Variants in EEF1AKMT1 observed in about 807,000 individuals in gnomAD.
The protein encoded by EEF1AKMT1 is N-6 adenine-specific DNA methyltransferase 2 (putative).
EEF1AKMT1 carries 18 observed loss-of-function variants against 21.0 expected under a neutral mutation model. That is an observed-to-expected ratio of 0.86 (90% confidence interval 0.59 to 1.27). The LOEUF (loss-of-function observed/expected upper bound fraction) is 1.27. Ranked by LOEUF, EEF1AKMT1 falls within the 50% of genes most tolerant of loss-of-function variation. EEF1AKMT1 has a pLI of 0.00. For synonymous variants in EEF1AKMT1, 109 were observed against 94.8 expected, an observed-to-expected ratio of 1.15 and a Z score of -0.87; for missense variants, 246 against 258.6, an observed-to-expected ratio of 0.95 and a Z score of 0.33.
chr13:20,764,354 A>G (rs1377567265), intron 1 of EEF1AKMT1, among the ~76,000 whole-genome samples: 1 of 152,210 alleles, frequency 6.6e-6, no homozygotes, highest in Non-Finnish European at 1.5e-5. Context: ...AGATTTTCCT[A>G]TTAGGTTTTC....
At chr13:20,756,939 T>C (rs554627901) in intron 2 of EEF1AKMT1, among the ~76,000 whole-genome samples, 1 of 152,248 alleles carries the variant, frequency 6.6e-6, no homozygotes, top group Non-Finnish European at 1.5e-5. Flanking sequence ...TAAACCTGCA[T>C]CCCGTCTCTG....
At chr13:20,763,043 T>A (rs930394962) in intron 1 of EEF1AKMT1, among the ~76,000 whole-genome samples, 3 of 152,228 alleles carry the variant, frequency 2.0e-5, no homozygotes, top group Non-Finnish European at 4.4e-5. Flanking sequence ...CTAAATCATA[T>A]TTACTAATAT....
intron 1 of EEF1AKMT1, among the ~76,000 whole-genome samples, chr13:20,765,628 G>C (rs2059026808): frequency 1.3e-5 from 2 of 151,784 alleles, no homozygotes; most frequent in South Asian, 4.1e-4. Flanking sequence ...GGCCAGGCTG[G>C]TCTCGAACTC....
At chr13:20,768,319 G>T (rs2059046840) in intron 1 of EEF1AKMT1, among the ~76,000 whole-genome samples, 1 of 152,186 alleles carries the variant, frequency 6.6e-6, no homozygotes, top group African/African-American at 2.4e-5. Flanking sequence ...TAAGAGCAGA[G>T]CAGCACTTAG....
chr13:20,743,795 A>C (rs2058886846), intron 2 of EEF1AKMT1, among the ~76,000 whole-genome samples: 1 of 151,662 alleles, frequency 6.6e-6, no homozygotes, highest in Admixed American at 6.6e-5. Context: ...GTAGGTTTTA[A>C]GCCCCACATG....
intron 1 of EEF1AKMT1, among the ~76,000 whole-genome samples, chr13:20,766,743 A>T (rs1363893078): frequency 6.6e-6 from 1 of 151,874 alleles, no homozygotes; most frequent in East Asian, 1.9e-4. Context: ...AATTGCTTGA[A>T]CCTATGAGGC....
intron 1 of EEF1AKMT1, among the ~76,000 whole-genome samples, chr13:20,765,105 C>CA (rs963438613): frequency 6.6e-6 from 1 of 151,670 alleles, no homozygotes. Context: ...ACTAAAAATA[C>CA]AAAAAACTAG....
chr13:20,754,258 G>A (rs1324461305), intron 2 of EEF1AKMT1, among the ~76,000 whole-genome samples: 1 of 115,224 alleles, frequency 8.7e-6, no homozygotes, highest in Non-Finnish European at 1.8e-5. Context: ...ATCTTTTGTT[G>A]GCAGTTTTTT....
chr13:20,732,865 C>T (rs1242133081), intron 3 of EEF1AKMT1, among the ~76,000 whole-genome samples: 1 of 151,030 alleles, frequency 6.6e-6, no homozygotes, highest in Non-Finnish European at 1.5e-5. Context: ...AATAACTCCC[C>T]AACTCACTCC....
chr13:20,729,234 A>G lies in EEF1AKMT1; in HGVS notation c.509-18T>C. The G allele has an allele frequency of 1.9e-6, 3 of 1,614,016 alleles. No homozygotes were observed. The highest frequency in any genetic ancestry group is 2.5e-6 in the Non-Finnish European group (3 of 1,179,992). On this transcript the variant is annotated intron_variant, in intron 4 of 4. Transcript: ENST00000382758. Reference sequence around the variant, plus strand: ...GATGGCACCTGAAGAGAACAAAGCAAATGAATCCAGAGAGTGACAACCCAG... The same window carrying G: ...GATGGCACCTGAAGAGAACAAAGCAGATGAATCCAGAGAGTGACAACCCAG...
At chr13:20,769,472 C>T (rs1233066790) in intron 1 of EEF1AKMT1, 1 of 152,156 alleles carries the variant, frequency 6.6e-6, no homozygotes, top group Non-Finnish European at 1.5e-5. Context: ...TCTTTTATCC[C>T]TTCGGGAAGC....
chr13:20,734,412 G>C (rs1267385836), intron 3 of EEF1AKMT1, among the ~76,000 whole-genome samples: 3 of 152,118 alleles, frequency 2.0e-5, no homozygotes, highest in Non-Finnish European at 4.4e-5. Flanking sequence ...TTCTGCAAGT[G>C]GCTGAACTTC....
At chr13:20,734,469 T>C (rs2058815017) in intron 3 of EEF1AKMT1, among the ~76,000 whole-genome samples, 1 of 152,174 alleles carries the variant, frequency 6.6e-6, no homozygotes, top group African/African-American at 2.4e-5. Context: ...GAGGAACTAT[T>C]GCACAGAGAT....
Position 20,757,548 on chromosome 13 carries a change from T to C in EEF1AKMT1, c.51A>G (p.Leu17=). 4.3e-6 allele frequency: 7 copies of C among 1,614,186 alleles called. No individual in the cohort carries two copies. Among genetic ancestry groups the C allele is most frequent in the African/African-American group, 1.3e-5 (1 of 75,062 alleles). The change falls in exon 2 of 5, where the codon TTA becomes TTG. Residue 17 remains leucine, a synonymous_variant. Transcript: ENST00000382758. The part of the protein sequence containing the change: ...DETPQLSAHA[L]AALQEFYAEQ... Reference sequence around the variant, plus strand: ...CAGCATAAAATTCCTGGAGAGCTGCTAAGGCATGGGCAGAAAGCTGGGGTG... The same window carrying C: ...CAGCATAAAATTCCTGGAGAGCTGCCAAGGCATGGGCAGAAAGCTGGGGTG...
intron 1 of EEF1AKMT1, among the ~76,000 whole-genome samples, chr13:20,760,123 A>AAAAAAAAAAAAAAAAAAAG (rs1555327133): frequency 7.8e-6 from 1 of 127,468 alleles, no homozygotes; most frequent in Admixed American, 9.1e-5. Context: ...AAAAAAAAAA[A>AAAAAAAAAAAAAAAAAAAG]AAGTCAAAAA....
intron 4 of EEF1AKMT1, among the ~76,000 whole-genome samples, chr13:20,730,764 A>G (rs1354854655): frequency 1.3e-5 from 2 of 152,228 alleles, no homozygotes; most frequent in Admixed American, 6.5e-5. Context: ...AGCACTCTGT[A>G]GAATGGACCA....
At chr13:20,763,107 C>T (rs1207205118) in intron 1 of EEF1AKMT1, among the ~76,000 whole-genome samples, 7 of 152,100 alleles carry the variant, frequency 4.6e-5, no homozygotes, top group Non-Finnish European at 7.4e-5. Flanking sequence ...CTATTGTTTT[C>T]GGTCTTTGTA....
chr13:20,728,977 A>G lies in EEF1AKMT1; in HGVS notation c.*103T>C. 2.1e-6 allele frequency: 3 copies of G among 1,455,678 alleles called. No individual in the cohort carries two copies. The highest frequency in any genetic ancestry group is 1.9e-6 in the Non-Finnish European group (2 of 1,050,284). The allele number at this position is 1,455,678 out of a possible 1,614,324, so 90.2% of individuals were successfully genotyped here. A position where few individuals can be genotyped will look rare whatever the true frequency, so the allele number is the denominator to read the frequency against. On this transcript the variant is annotated 3_prime_UTR_variant, in exon 5 of 5. Coordinates refer to ENST00000382758, the MANE Select transcript of EEF1AKMT1 (RefSeq NM_001318939.2). ...TGAAAACCAGGCCAGGGACAGCTCC[A>G]GTTTGGGGGGAGGGGAAGAGATTAT...
At chr13:20,748,604 C>T (rs988287945) in intron 2 of EEF1AKMT1, among the ~76,000 whole-genome samples, 2 of 151,916 alleles carry the variant, frequency 1.3e-5, no homozygotes, top group African/African-American at 4.8e-5. Context: ...GTTTTAAATG[C>T]TATCCCTTGA....
Sources: gnomAD v4.1 joint callset for allele counts (sites outside exome capture counted in the v4.1 genomes callset) on GRCh38, gnomAD v4.1.1 for gene constraint, MANE v1.5 for transcripts, NCBI Gene and HGNC (gene_info 2026-07-23, HGNC 2026-07-21) for gene names.